CDIN1: variants seen among roughly 807,000 people sequenced by gnomAD.
CDIN1 encodes the protein CDAN1-interacting nuclease 1.
In CDIN1, 33 loss-of-function variants were observed where a neutral mutation model predicts 45.3. The observed-to-expected ratio is 0.73, with a 90% confidence interval of 0.55 to 0.97. The LOEUF (loss-of-function observed/expected upper bound fraction) is 0.97, where lower values mean the gene tolerates loss of function less well. CDIN1 is among the 50% of genes least tolerant of loss of function. The pLI, the probability that CDIN1 is intolerant of heterozygous loss-of-function variation, is 0.00. For missense variants in CDIN1, 303 were observed against 339.4 expected, an observed-to-expected ratio of 0.89 and a Z score of 0.84; for synonymous variants, 118 against 124.4, an observed-to-expected ratio of 0.95 and a Z score of 0.34.
chr15:36,658,983 T>C (rs911339286), intron 5 of CDIN1, among the ~76,000 whole-genome samples: 1 of 152,196 alleles, frequency 6.6e-6, no homozygotes, highest in East Asian at 1.9e-4. Flanking sequence ...AATCACATGA[T>C]GTCAGAATGG....
intron 10 of CDIN1, among the ~76,000 whole-genome samples, chr15:36,733,868 G>T (rs2043919963): frequency 1.3e-5 from 2 of 152,060 alleles, no homozygotes; most frequent in Non-Finnish European, 2.9e-5. Flanking sequence ...GAAAATGCAA[G>T]GTACTTTGTA....
chr15:36,605,494 G>T (rs2038319143), intron 1 of CDIN1, among the ~76,000 whole-genome samples: 1 of 152,148 alleles, frequency 6.6e-6, no homozygotes, highest in South Asian at 2.1e-4. Context: ...CAAGTGAGGA[G>T]GTTTCCGCGT....
intron 1 of CDIN1, chr15:36,619,292 ACTT>A: frequency 5.3e-6 from 5 of 941,700 alleles, no homozygotes; most frequent in Non-Finnish European, 7.4e-6. Flanking sequence ...CTATTCAAAA[ACTT>A]CTCTCTCTTC....
chr15:36,725,424 T>C (rs2043589258), intron 10 of CDIN1, among the ~76,000 whole-genome samples: 1 of 151,780 alleles, frequency 6.6e-6, no homozygotes, highest in African/African-American at 2.4e-5. Context: ...CAAATGTGAA[T>C]GGAGATTGTT....
chr15:36,682,245 C>G (rs1372940611), intron 5 of CDIN1, among the ~76,000 whole-genome samples: 1 of 152,082 alleles, frequency 6.6e-6, no homozygotes, highest in Non-Finnish European at 1.5e-5. Context: ...AGTCTGAAGG[C>G]CAGCAGGCTT....
chr15:36,695,991 T>C (rs2042409664), intron 7 of CDIN1, among the ~76,000 whole-genome samples: 1 of 152,184 alleles, frequency 6.6e-6, no homozygotes, highest in South Asian at 2.1e-4. Context: ...TTTTAATACT[T>C]TTTGAGAAGC....
intron 1 of CDIN1, among the ~76,000 whole-genome samples, chr15:36,580,639 A>G (rs116603672): frequency 0.03 from 4,545 of 152,302 alleles, 68 homozygotes; most frequent in South Asian, 0.047. Context: ...ACTTTCTAAG[A>G]AAGGACTTTG....
At chr15:36,803,257 C>A (rs1387682857) in intron 10 of CDIN1, among the ~76,000 whole-genome samples, 1 of 150,376 alleles carries the variant, frequency 6.6e-6, no homozygotes, top group Non-Finnish European at 1.5e-5. Flanking sequence ...AGATATGCAG[C>A]AAGGAGGAGT....
At chr15:36,729,551 CCTTTGT>C (rs2043765919) in intron 10 of CDIN1, among the ~76,000 whole-genome samples, 1 of 152,020 alleles carries the variant, frequency 6.6e-6, no homozygotes, top group Non-Finnish European at 1.5e-5. Flanking sequence ...GATAAATATG[CCTTTGT>C]CATGAATACT....
intron 10 of CDIN1, among the ~76,000 whole-genome samples, chr15:36,732,277 C>CA (rs1399131082): frequency 1.3e-5 from 2 of 151,214 alleles, no homozygotes; most frequent in Admixed American, 6.6e-5. Flanking sequence ...GACAAAGGCA[C>CA]AAAAAAAATT....
chr15:36,788,094 ATATATATATATATTTTTT>A (rs1466090920), intron 10 of CDIN1, among the ~76,000 whole-genome samples: 1 of 37,696 alleles, frequency 2.7e-5, no homozygotes, highest in African/African-American at 8.5e-5. Context: ...ATATATATAT[ATATATATATATATTTTTT>A]TTTTTTTTTT....
intron 1 of CDIN1, among the ~76,000 whole-genome samples, chr15:36,612,473 C>G (rs1285044659): frequency 6.6e-6 from 1 of 152,090 alleles, no homozygotes; most frequent in Non-Finnish European, 1.5e-5. Flanking sequence ...GAACCTCACC[C>G]CATCTATTAG....
intron 1 of CDIN1, among the ~76,000 whole-genome samples, chr15:36,614,904 C>G (rs1373049136): frequency 6.6e-6 from 1 of 152,226 alleles, no homozygotes; most frequent in African/African-American, 2.4e-5. Context: ...TGTCCCATCT[C>G]TACCCCCTCC....
chr15:36,696,776 C>A (rs2042441868), intron 7 of CDIN1, among the ~76,000 whole-genome samples: 1 of 151,940 alleles, frequency 6.6e-6, no homozygotes, highest in Non-Finnish European at 1.5e-5. Flanking sequence ...AATACAAGCA[C>A]ACATCCATTT....
chr15:36,712,260 CTTT>C (rs780494427), intron 10 of CDIN1, among the ~76,000 whole-genome samples: 3 of 77,374 alleles, frequency 3.9e-5, no homozygotes, highest in African/African-American at 1.5e-4. Context: ...TAGACTAATG[CTTT>C]TTTTTTTTTT....
chr15:36,733,250 G>A (rs1178502942), intron 10 of CDIN1, among the ~76,000 whole-genome samples: 1 of 151,974 alleles, frequency 6.6e-6, no homozygotes, highest in Non-Finnish European at 1.5e-5. Flanking sequence ...TGTATTTCTA[G>A]ATGCATCTTT....
intron 4 of CDIN1, among the ~76,000 whole-genome samples, chr15:36,656,916 A>G (rs2040806917): frequency 6.6e-6 from 1 of 152,168 alleles, no homozygotes; most frequent in African/African-American, 2.4e-5. Flanking sequence ...GTGATAATAT[A>G]TGAGGAATGT....
chr15:36,619,548 A>AT (rs1025120305), intron 1 of CDIN1, among the ~76,000 whole-genome samples: 1 of 148,966 alleles, frequency 6.7e-6, no homozygotes, highest in Non-Finnish European at 1.5e-5. Context: ...TATAAAGTGT[A>AT]TTTTTTCTAT....
intron 5 of CDIN1, among the ~76,000 whole-genome samples, chr15:36,678,470 T>A (rs977387955): frequency 1.3e-5 from 2 of 152,212 alleles, no homozygotes; most frequent in Non-Finnish European, 2.9e-5. Context: ...CTGGTGTACC[T>A]TGGGAGTATT....
Sources: gnomAD v4.1 joint callset for allele counts (sites outside exome capture counted in the v4.1 genomes callset) on GRCh38, gnomAD v4.1.1 for gene constraint, MANE v1.5 for transcripts, NCBI Gene and HGNC (gene_info 2026-07-23, HGNC 2026-07-21) for gene names.